Variants in NCAPD3 observed in about 807,000 individuals in gnomAD.
NCAPD3 encodes non-SMC condensin II complex subunit D3.
A neutral mutation model predicts 182.9 loss-of-function variants in NCAPD3; 105 were observed. The ratio of observed to expected loss-of-function variants is 0.57; its 90% CI spans 0.49 to 0.68. The LOEUF (loss-of-function observed/expected upper bound fraction) is 0.68. NCAPD3 is among the 30% of genes least tolerant of loss of function. NCAPD3 has a pLI of 0.00. For synonymous variants in NCAPD3, 815 were observed against 679.9 expected, an observed-to-expected ratio of 1.20 and a Z score of -3.09; for missense variants, 1,944 against 1,837.0, an observed-to-expected ratio of 1.06 and a Z score of -1.07.
intron 28 of NCAPD3, among the ~76,000 whole-genome samples, chr11:134,161,426 T>G (rs750684487): frequency 1.3e-5 from 2 of 152,126 alleles, no homozygotes; most frequent in African/African-American, 4.8e-5. Context: ...CACCCTGAAA[T>G]CAAACCCGAA....
chr11:134,165,467 G>C (rs1398027642), intron 27 of NCAPD3, among the ~76,000 whole-genome samples: 1 of 149,712 alleles, frequency 6.7e-6, no homozygotes, highest in Non-Finnish European at 1.5e-5. Flanking sequence ...ACACTCATGA[G>C]ATGAGCTTGG....
intron 11 of NCAPD3, 147 bp from the exon 12 acceptor site, chr11:134,203,345 G>A: frequency 1.4e-6 from 1 of 706,502 alleles, no homozygotes; most frequent in Non-Finnish European, 2.4e-6. Context: ...TTCTCCTTGG[G>A]TATGCATTGA....
At chr11:134,156,640 G>A (rs953561338) in intron 32 of NCAPD3, among the ~76,000 whole-genome samples, 6 of 152,066 alleles carry the variant, frequency 3.9e-5, no homozygotes, top group East Asian at 1.9e-4. Flanking sequence ...TGGTGCTGAC[G>A]TCTGCCCGCC....
chr11:134,211,470 A>G (rs910547570), intron 3 of NCAPD3, among the ~76,000 whole-genome samples: 1 of 152,186 alleles, frequency 6.6e-6, no homozygotes, highest in Non-Finnish European at 1.5e-5. Flanking sequence ...CAACACAGCA[A>G]AACCCTGTCT....
chr11:134,222,551 C>A (rs937450190), intron 1 of NCAPD3, among the ~76,000 whole-genome samples: 1 of 152,084 alleles, frequency 6.6e-6, no homozygotes, highest in African/African-American at 2.4e-5. Context: ...TGTATAAAGG[C>A]CCTAACAATG....
intron 27 of NCAPD3, among the ~76,000 whole-genome samples, chr11:134,165,339 G>C (rs547748463): frequency 4.6e-5 from 7 of 151,394 alleles, no homozygotes; most frequent in Admixed American, 4.6e-4. Context: ...TAAGTGGAGG[G>C]GCACACTCAT....
At chr11:134,194,266 T>C in intron 14 of NCAPD3, 116 bp from the exon 15 acceptor site, 1 of 1,112,556 alleles carries the variant, frequency 9.0e-7, no homozygotes, top group Non-Finnish European at 1.3e-6. Flanking sequence ...TTTGGGGTCA[T>C]GGATCCAACC....
At position 134,193,961 on chromosome 11, in the gene NCAPD3, A is replaced by T. The variant is rs1045745138; in HGVS notation, c.1824+55T>A. 5 of 1,537,144 alleles carry T rather than the reference A, an allele frequency of 3.3e-6. No homozygotes were observed. In the African/African-American group the frequency reaches 4.1e-5, roughly 13 times the overall value. On this transcript the variant is annotated intron_variant, in intron 15 of 34. Transcript: ENST00000534548. ...TTAGCAGCAGGTAATTATTGTGTGGAATTACTTTTAATGTAAAATACCATG... is the reference window on the plus strand; with the variant it reads ...TTAGCAGCAGGTAATTATTGTGTGGTATTACTTTTAATGTAAAATACCATG...
intron 32 of NCAPD3, among the ~76,000 whole-genome samples, chr11:134,155,500 A>C (rs894539391): frequency 1.3e-5 from 2 of 152,192 alleles, no homozygotes; most frequent in Non-Finnish European, 2.9e-5. Context: ...GTACTCTACC[A>C]ACTCAATGAC....
In NCAPD3 at chr11:134,194,044, G is replaced by A. The variant is rs752665108; in HGVS notation, c.1796C>T (p.Ala599Val). The A allele has an allele frequency of 6.2e-7, 1 of 1,614,002 alleles. No homozygotes were observed. Among genetic ancestry groups the A allele is most frequent in the East Asian group, 2.2e-5 (1 of 44,884 alleles). ...RDPAVSVRKQALQSLTELLMA... is the reference protein window; with the variant it reads ...RDPAVSVRKQVLQSLTELLMA... ...AAGGAGTTCAGTAAGAGACTGGAGG[G>A]CCTGCTTCCGGACAGACACTGCAGG... Residue 599 changes from alanine (A) to valine (V), a missense_variant, in exon 15 of 35, where the codon GCC becomes GTC. Coordinates refer to ENST00000534548, the MANE Select transcript of NCAPD3 (RefSeq NM_015261.3).
chr11:134,225,405 A>G, upstream of NCAPD3: 1 of 1,546,068 alleles, frequency 6.5e-7, no homozygotes, highest in Non-Finnish European at 8.9e-7. Flanking sequence ...GAGCAGGGTG[A>G]TTCAGGGCCC....
intron 15 of NCAPD3, among the ~76,000 whole-genome samples, chr11:134,193,720 T>G (rs996722970): frequency 6.6e-6 from 1 of 152,202 alleles, no homozygotes; most frequent in Non-Finnish European, 1.5e-5. Flanking sequence ...GCCACTGCAC[T>G]CTAAGCCTGA....
Position 134,157,922 on chromosome 11 carries a change from G to C in NCAPD3, c.4174+6C>G. 6.2e-7 allele frequency: 1 copy of C among 1,612,566 alleles called. No individual in the cohort carries two copies. The highest frequency in any genetic ancestry group is 1.1e-5 in the South Asian group (1 of 90,766). On this transcript the variant is annotated splice_donor_region_variant and intron_variant, in intron 31 of 34. Coordinates refer to ENST00000534548, the MANE Select transcript of NCAPD3 (RefSeq NM_015261.3). ...TACTGTGTCTGGCACCAAACATAAG[G>C]CTTACCCTGACTGCACGTTTTTTCT...
chr11:134,176,267 G>A (rs758167317), intron 24 of NCAPD3, 40 bp downstream of exon 24: 2 of 1,546,346 alleles, frequency 1.3e-6, no homozygotes, highest in Non-Finnish European at 1.8e-6. Context: ...TCAGAAATGA[G>A]GTAAACTGTT....
chr11:134,209,500 G>C (rs1458017110), intron 4 of NCAPD3, 23 bp from the exon 5 acceptor site: 2 of 1,591,880 alleles, frequency 1.3e-6, no homozygotes, highest in Non-Finnish European at 1.7e-6. Context: ...GAAATGTACA[G>C]GTGACTGTAA....
intron 29 of NCAPD3, among the ~76,000 whole-genome samples, chr11:134,158,929 T>C (rs1309012165): frequency 6.6e-6 from 1 of 152,206 alleles, no homozygotes; most frequent in Non-Finnish European, 1.5e-5. Flanking sequence ...ACAATCTTTG[T>C]CTTTCTGTGT....
chr11:134,163,574 C>T (rs1246860860), intron 27 of NCAPD3, among the ~76,000 whole-genome samples: 1 of 151,944 alleles, frequency 6.6e-6, no homozygotes, highest in Admixed American at 6.6e-5. Context: ...GTGGCTGGTG[C>T]CTGTAGTCCC....
rs145347786 is a variant in NCAPD3 at position 134,164,432 on chromosome 11, T to C, written c.3574-2541A>G. Among the ~76,000 whole-genome samples the C allele has an allele frequency of 2.0e-4, 31 of 152,352 alleles. 1 individual carries two copies. The East Asian group carries it at 5.2e-3, about 26-fold the overall frequency. The stretch of plus-strand genomic sequence containing the variant: ...GAGTGGGAAACAGGTTTGAGAATTG[T>C]CACCATCTGGCAAGAGTTAAAGCCA... On this transcript the variant is annotated intron_variant, in intron 27 of 34. Coordinates refer to ENST00000534548, the MANE Select transcript of NCAPD3 (RefSeq NM_015261.3).
Position 134,164,397 on chromosome 11 carries a change from A to G in NCAPD3, c.3574-2506T>C, listed in dbSNP as rs73600766. ...AGGGGGACCTGAGCTCAGGCTCATG[A>G]GAAATGCTGGAGTGGGAAACAGGTT... On this transcript the variant is annotated intron_variant, in intron 27 of 34. Coordinates refer to ENST00000534548, the MANE Select transcript of NCAPD3 (RefSeq NM_015261.3). Among the ~76,000 whole-genome samples, 1,230 of 152,358 alleles carry G rather than the reference A, an allele frequency of 8.1e-3. 24 individuals carry two copies. Among genetic ancestry groups the G allele is most frequent in the African/African-American group, 0.028 (1,162 of 41,580 alleles).
Sources: allele counts gnomAD v4.1 joint callset (sites outside exome capture counted in the v4.1 genomes callset), GRCh38; gene constraint gnomAD v4.1.1; transcripts MANE v1.5; gene names NCBI Gene and HGNC (gene_info 2026-07-23, HGNC 2026-07-21).